CERS1: variants seen among roughly 807,000 people sequenced by gnomAD.
The protein encoded by CERS1 is ceramide synthase 1, also known as Embryonic growth/differentiation factor 1.
CERS1 carries 16 observed loss-of-function variants against 35.7 expected under a neutral mutation model. That is an observed-to-expected ratio of 0.45 (90% CI 0.30 to 0.68). CERS1 has a LOEUF of 0.68. CERS1 is among the 30% of genes least tolerant of loss of function. The pLI is 0.08. For synonymous variants in CERS1, 243 were observed against 201.6 expected (o/e 1.21, Z -1.74); for missense variants, 454 against 453.9 (o/e 1.00, Z 0.00).
chr19:18,869,045 G>C lies in CERS1; in HGVS notation c.*940C>G. 3 of 1,065,480 alleles carry C rather than the reference G, an allele frequency of 2.8e-6. No individual in the cohort carries two copies. The highest frequency in any genetic ancestry group is 3.4e-6 in the Non-Finnish European group (3 of 882,722). 66.0% of individuals were successfully genotyped at this position (1,065,480 alleles called of 1,614,324 possible). Reference sequence around the variant, plus strand: ...CTCGGCCAGGCGCGCGCAGGCGGCAGGGGCCCGGGGGCGTAGCGCCAGCGC... The same window carrying C: ...CTCGGCCAGGCGCGCGCAGGCGGCACGGGCCCGGGGGCGTAGCGCCAGCGC... On this transcript the variant is annotated 3_prime_UTR_variant, in exon 8 of 8. Transcript: ENST00000623882.
intron 4 of CERS1, 57 bp downstream of exon 4, chr19:18,880,217 C>G (rs2056169143): frequency 6.8e-7 from 1 of 1,478,954 alleles, no homozygotes. Context: ...CTTTTCTGGA[C>G]ACACCCACCT....
rs747965288 is a variant in CERS1, at chr19:18,878,905, G to T, written c.1010+25C>A. The T allele has an allele frequency of 6.2e-7, 1 of 1,611,506 alleles. No homozygotes were observed. The highest frequency in any genetic ancestry group is 1.1e-5 in the South Asian group (1 of 90,778). On this transcript the variant is annotated intron_variant, in intron 6 of 7. Coordinates refer to ENST00000623882, the MANE Select transcript of CERS1 (RefSeq NM_021267.5). The surrounding 1 kb of genome is among the most constrained non-coding windows in gnomAD (Gnocchi z 4.6). ...CGGGTGACACTAAAGGAGGGAACGC[G>T]GGGTGCGGGCCCCTCCACACTCACT...
intron 6 of CERS1, among the ~76,000 whole-genome samples, chr19:18,875,830 G>A (rs1360832480): frequency 6.6e-6 from 1 of 152,128 alleles, no homozygotes; most frequent in African/African-American, 2.4e-5. Flanking sequence ...ACTGAGACTG[G>A]AGCAATGCAG....
chr19:18,880,516 C>T, intron 3 of CERS1, 81 bp from the exon 4 acceptor site: 1 of 1,378,312 alleles, frequency 7.3e-7, no homozygotes, highest in Non-Finnish European at 9.8e-7. Flanking sequence ...CAGCAGAGTC[C>T]CTGGGCTACA....
intron 2 of CERS1, among the ~76,000 whole-genome samples, chr19:18,888,010 T>C (rs2056401957): frequency 6.6e-6 from 1 of 152,150 alleles, no homozygotes; most frequent in South Asian, 2.1e-4. Flanking sequence ...ACATAGTATT[T>C]GTCTTTTTGT....
In CERS1 at chr19:18,869,087, G is replaced by A. The variant is rs2055910416; in HGVS notation, c.*898C>T. 9.4e-7 allele frequency: 1 copy of A among 1,064,556 alleles called. No individual in the cohort carries two copies. The highest frequency in any genetic ancestry group is 1.1e-6 in the Non-Finnish European group (1 of 881,122). The allele number at this position is 1,064,556 out of a possible 1,614,324, so 65.9% of individuals were successfully genotyped here. A position where few individuals can be genotyped will look rare whatever the true frequency, so the allele number is the denominator to read the frequency against. The stretch of plus-strand genomic sequence containing the variant: ...CGCCAGCGCCAGGCGGAGGCTGCGC[G>A]GCCATGAGGCGTTGCGAGCCCAAGC... On this transcript the variant is annotated 3_prime_UTR_variant, in exon 8 of 8. Transcript: ENST00000623882.
chr19:18,877,396 C>G (rs2056077430), intron 6 of CERS1, among the ~76,000 whole-genome samples: 1 of 152,182 alleles, frequency 6.6e-6, no homozygotes, highest in African/African-American at 2.4e-5. Flanking sequence ...AAACTGGTGC[C>G]CCCTTTAGCC....
rs578136748 is a variant in CERS1, at chr19:18,870,066, G to C, written c.*511C>G. The C allele has an allele frequency of 1.3e-6, 2 of 1,583,828 alleles. No homozygotes were observed. The highest frequency in any genetic ancestry group is 2.3e-5 in the East Asian group (1 of 43,678). ...CGGTTGCAGGGTGACCCCTGGGGAC[G>C]TCCGCCGCGAGCCAGACCTGGTCTC... is the stretch of plus-strand genomic sequence containing the variant. On this transcript the variant is annotated 3_prime_UTR_variant, in exon 7 of 8. Transcript: ENST00000623882. The surrounding 1 kb of genome is among the most constrained non-coding windows in gnomAD (Gnocchi z 5.1).
At position 18,896,141 on chromosome 19, in the gene CERS1, G is replaced by C. The variant is rs1451131871; in HGVS notation, c.-69C>G. On this transcript the variant is annotated 5_prime_UTR_variant, in exon 1 of 8. Coordinates refer to ENST00000623882, the MANE Select transcript of CERS1 (RefSeq NM_021267.5). The surrounding 1 kb of genome is among the most constrained non-coding windows in gnomAD (Gnocchi z 5.9). ...GGTAGCCGACGGAGCCGCGCGCCCC[G>C]CGTCACGCGCCGCAGCTGGGCCGGG... 5.1e-6 allele frequency: 3 copies of C among 592,602 alleles called. No homozygotes were observed. The highest frequency in any genetic ancestry group is 7.3e-5 in the South Asian group (1 of 13,672). 36.7% of individuals were successfully genotyped at this position (592,602 alleles called of 1,614,324 possible).
At chr19:18,883,565 G>C (rs961774762) in intron 3 of CERS1, among the ~76,000 whole-genome samples, 1 of 152,134 alleles carries the variant, frequency 6.6e-6, no homozygotes. Flanking sequence ...TAAAAGGGTG[G>C]ATAAGATATT....
At chr19:18,880,122 C>G (rs970083419) in intron 4 of CERS1, among the ~76,000 whole-genome samples, 152 bp downstream of exon 4, 2 of 149,788 alleles carry the variant, frequency 1.3e-5, no homozygotes, top group Non-Finnish European at 3.0e-5. Context: ...CCCCTTCAGT[C>G]CCACCCAAAT....
At position 18,878,791 on chromosome 19, in the gene CERS1, C is replaced by G. The variant is rs1296657524; in HGVS notation, c.1010+139G>C. 10 of 1,466,940 alleles carry G rather than the reference C, an allele frequency of 6.8e-6. No individual in the cohort carries two copies. The South Asian group carries it at 1.4e-4, about 20-fold the overall frequency. 90.9% of individuals were successfully genotyped at this position (1,466,940 alleles called of 1,614,324 possible). A position where few individuals can be genotyped will look rare whatever the true frequency, so the allele number is the denominator to read the frequency against. ...ACATCGTCCACGCCTTTATTGCAGT[C>G]TCTGTTTTGGAGTAGGCTTGGGGGG... On this transcript the variant is annotated intron_variant, in intron 6 of 7. Transcript: ENST00000623882. This position sits in a 1 kb window ranked among gnomAD's most constrained non-coding sequence, Gnocchi z 4.6.
In CERS1 at chr19:18,874,850, G is replaced by C. The variant is rs138742444; in HGVS notation, c.1010+4080C>G. Among the ~76,000 whole-genome samples the C allele has an allele frequency of 2.2e-3, 333 of 152,292 alleles. 2 individuals carry two copies. Among genetic ancestry groups the C allele is most frequent in the African/African-American group, 7.7e-3 (319 of 41,568 alleles). On this transcript the variant is annotated intron_variant, in intron 6 of 7. Coordinates refer to ENST00000623882, the MANE Select transcript of CERS1 (RefSeq NM_021267.5). ...TGAGATGGGGTGAGGAAGAGATCAAGCCAATTAATTGCTCTCTGATTTGCT... is the reference window on the plus strand; with the variant it reads ...TGAGATGGGGTGAGGAAGAGATCAACCCAATTAATTGCTCTCTGATTTGCT...
intron 6 of CERS1, among the ~76,000 whole-genome samples, chr19:18,876,536 T>TTGTGTGTG (rs60266196): frequency 0.022 from 3,108 of 143,232 alleles, 101 homozygotes; most frequent in African/African-American, 0.066. Context: ...TTTGATTGGG[T>TTGTGTGTG]TGTGTGTGTG....
At chr19:18,889,478 G>A (rs1002621867) in intron 2 of CERS1, among the ~76,000 whole-genome samples, 3 of 152,104 alleles carry the variant, frequency 2.0e-5, no homozygotes, top group Non-Finnish European at 4.4e-5. Flanking sequence ...ATGTAGTGGT[G>A]CAATCTTGGC....
At chr19:18,892,835 T>C (rs1001780209) in intron 2 of CERS1, among the ~76,000 whole-genome samples, 2 of 152,178 alleles carry the variant, frequency 1.3e-5, no homozygotes, top group Non-Finnish European at 2.9e-5. Context: ...TCCCCAGGGA[T>C]CACCTTTGTC....
intron 3 of CERS1, 70 bp from the exon 4 acceptor site, chr19:18,880,505 C>G (rs1337850326): frequency 1.4e-6 from 2 of 1,431,430 alleles, no homozygotes; most frequent in African/African-American, 2.8e-5. Context: ...ACTAAGGCCC[C>G]CAGCAGAGTC....
In CERS1 at chr19:18,878,346, C is replaced by T. The variant is rs1226050188; in HGVS notation, c.1010+584G>A. On this transcript the variant is annotated intron_variant, in intron 6 of 7. Coordinates refer to ENST00000623882, the MANE Select transcript of CERS1 (RefSeq NM_021267.5). This position sits in a 1 kb window ranked among gnomAD's most constrained non-coding sequence, Gnocchi z 4.6. Reference sequence around the variant, plus strand: ...CTTCGGACACCATCTGGCTGTCACCCAGGGCTGGTGAGGCTCGTGGGCTAT... The same window carrying T: ...CTTCGGACACCATCTGGCTGTCACCTAGGGCTGGTGAGGCTCGTGGGCTAT... 5.1e-6 allele frequency: 5 copies of T among 986,056 alleles called. No homozygotes were observed. Among genetic ancestry groups the T allele is most frequent in the Non-Finnish European group, 6.0e-6 (5 of 830,670 alleles). The allele number at this position is 986,056 out of a possible 1,614,324, so 61.1% of individuals were successfully genotyped here. A position where few individuals can be genotyped will look rare whatever the true frequency, so the allele number is the denominator to read the frequency against.
intron 6 of CERS1, among the ~76,000 whole-genome samples, chr19:18,876,997 A>G (rs2056071322): frequency 6.6e-6 from 1 of 152,084 alleles, no homozygotes; most frequent in African/African-American, 2.4e-5. Context: ...TGATCTTGAC[A>G]GTTTCTGGGC....
Sources: gnomAD v4.1 joint callset for allele counts (sites outside exome capture counted in the v4.1 genomes callset) on GRCh38, gnomAD v4.1.1 for gene constraint, Gnocchi (gnomAD v3.1) non-coding constraint, MANE v1.5 for transcripts, NCBI Gene and HGNC (gene_info 2026-07-23, HGNC 2026-07-21) for gene names.